The following RIMBP2 variants were observed in gnomAD, a reference collection of about 807,000 sequenced individuals.
RIMBP2 encodes the protein RIMS-binding protein 2.
RIMBP2 carries 48 observed loss-of-function variants against 118.6 expected under a neutral mutation model. The ratio of observed to expected loss-of-function variants is 0.40; its 90% CI spans 0.32 to 0.51. The LOEUF (loss-of-function observed/expected upper bound fraction) is 0.51. RIMBP2 is among the 20% of genes least tolerant of loss of function. RIMBP2 has a pLI of 0.41. For missense variants in RIMBP2, 1,551 were observed against 1,768.3 expected (o/e 0.88, Z 2.20); for synonymous variants, 762 against 742.9 (o/e 1.03, Z -0.42).
chr12:130,610,926 T>A (rs977219958), intron 2 of RIMBP2, among the ~76,000 whole-genome samples: 1 of 152,126 alleles, frequency 6.6e-6, no homozygotes, highest in Non-Finnish European at 1.5e-5. Flanking sequence ...GAAACTCACA[T>A]CCATTGGAGG....
chr12:130,595,807 T>C (rs1051562441), intron 2 of RIMBP2, among the ~76,000 whole-genome samples: 1 of 152,164 alleles, frequency 6.6e-6, no homozygotes, highest in Non-Finnish European at 1.5e-5. Flanking sequence ...GAGTGCAGCA[T>C]GATGCCTTCA....
At chr12:130,539,164 T>C (rs1354892447) in intron 2 of RIMBP2, among the ~76,000 whole-genome samples, 1 of 152,224 alleles carries the variant, frequency 6.6e-6, no homozygotes, top group African/African-American at 2.4e-5. Flanking sequence ...GGGGAGAATA[T>C]ATACATACAT....
At chr12:130,499,082 G>A (rs1481320760) in intron 4 of RIMBP2, among the ~76,000 whole-genome samples, 6 of 152,294 alleles carry the variant, frequency 3.9e-5, no homozygotes, top group South Asian at 4.1e-4. Flanking sequence ...CAAAGGAAAC[G>A]CAGGCACATC....
At chr12:130,656,738 T>TA (rs544157267) in intron 1 of RIMBP2, among the ~76,000 whole-genome samples, 9 of 147,520 alleles carry the variant, frequency 6.1e-5, no homozygotes, top group Non-Finnish European at 9.0e-5. Flanking sequence ...ATTTATGTAC[T>TA]AAAAAAAAAA....
At chr12:130,527,149 A>G (rs1158302098) in intron 2 of RIMBP2, among the ~76,000 whole-genome samples, 2 of 152,176 alleles carry the variant, frequency 1.3e-5, no homozygotes, top group Non-Finnish European at 2.9e-5. Context: ...CTATCCTAAC[A>G]CTGACCAGAT....
chr12:130,689,718 G>A (rs1350193297), intron 1 of RIMBP2, among the ~76,000 whole-genome samples: 2 of 152,168 alleles, frequency 1.3e-5, no homozygotes, highest in East Asian at 1.9e-4. Context: ...AGAACCAGTG[G>A]AGCCAATCAC....
chr12:130,702,558 AG>A (rs1444866474), intron 1 of RIMBP2, among the ~76,000 whole-genome samples: 1 of 86,268 alleles, frequency 1.2e-5, no homozygotes, highest in Non-Finnish European at 2.3e-5. Context: ...GAAGGAAGGA[AG>A]GAAGGAAGGA....
chr12:130,601,004 C>T (rs1183795239), intron 2 of RIMBP2, among the ~76,000 whole-genome samples: 3 of 152,130 alleles, frequency 2.0e-5, no homozygotes, highest in African/African-American at 7.2e-5. Flanking sequence ...ATCTCCAAGC[C>T]CTAGCCGAGT....
intron 2 of RIMBP2, among the ~76,000 whole-genome samples, chr12:130,518,326 A>C (rs1159579988): frequency 1.3e-5 from 2 of 152,242 alleles, no homozygotes; most frequent in Non-Finnish European, 2.9e-5. Flanking sequence ...CTCAAAAATA[A>C]GATAAAGCAT....
At chr12:130,649,695 C>T (rs986587643) in intron 1 of RIMBP2, among the ~76,000 whole-genome samples, 4 of 152,162 alleles carry the variant, frequency 2.6e-5, no homozygotes, top group African/African-American at 9.7e-5. Context: ...GATTTTCCCA[C>T]TTTCAGCCCT....
intron 12 of RIMBP2, among the ~76,000 whole-genome samples, chr12:130,437,636 G>A (rs558506126): frequency 1.3e-5 from 2 of 152,352 alleles, no homozygotes; most frequent in East Asian, 3.9e-4. Context: ...CTGGAGGGAA[G>A]AGAGGGGCTC....
intron 1 of RIMBP2, among the ~76,000 whole-genome samples, chr12:130,648,905 C>T (rs976262031): frequency 6.9e-6 from 1 of 145,892 alleles, no homozygotes; most frequent in Non-Finnish European, 1.6e-5. Flanking sequence ...ATCTGCCCGC[C>T]TCGGCCTCCC....
intron 2 of RIMBP2, among the ~76,000 whole-genome samples, chr12:130,583,957 C>T (rs58446064): frequency 0.49 from 72,927 of 150,286 alleles, 19,777 homozygotes; most frequent in Admixed American, 0.61. Flanking sequence ...ATCATCGCAT[C>T]ACCATCACCA....
intron 1 of RIMBP2, among the ~76,000 whole-genome samples, chr12:130,649,717 C>G (rs1379669783): frequency 6.6e-6 from 1 of 152,162 alleles, no homozygotes; most frequent in South Asian, 2.1e-4. Flanking sequence ...GAGATCCTCT[C>G]AGCCCTGAGA....
At chr12:130,564,298 CTTATT>C (rs1481919669) in intron 2 of RIMBP2, among the ~76,000 whole-genome samples, 10 of 146,288 alleles carry the variant, frequency 6.8e-5, no homozygotes, top group East Asian at 2.1e-4. Flanking sequence ...CCCCTTCCTC[CTTATT>C]TTATTTCCCC....
chr12:130,415,488 G>A (rs1422118888), intron 17 of RIMBP2, among the ~76,000 whole-genome samples: 1 of 152,170 alleles, frequency 6.6e-6, no homozygotes, highest in East Asian at 1.9e-4. Context: ...CTTAAGAACT[G>A]GAGCAAGGCA....
intron 13 of RIMBP2, among the ~76,000 whole-genome samples, chr12:130,435,458 A>G (rs1340983099): frequency 6.6e-6 from 1 of 152,190 alleles, no homozygotes; most frequent in African/African-American, 2.4e-5. Flanking sequence ...TGTCTGAAAC[A>G]TAGGACTTGG....
chr12:130,675,141 G>A (rs1479773318), intron 1 of RIMBP2, among the ~76,000 whole-genome samples: 1 of 152,202 alleles, frequency 6.6e-6, no homozygotes, highest in African/African-American at 2.4e-5. Context: ...TGTCCCGAAG[G>A]ACCTGTTGGC....
At chr12:130,612,039 C>T (rs2060588393) in intron 2 of RIMBP2, among the ~76,000 whole-genome samples, 1 of 152,194 alleles carries the variant, frequency 6.6e-6, no homozygotes, top group Non-Finnish European at 1.5e-5. Context: ...CCCGCAGGGC[C>T]TGCAGGGATC....
Sources: gnomAD v4.1 joint callset for allele counts (sites outside exome capture counted in the v4.1 genomes callset) on GRCh38, gnomAD v4.1.1 for gene constraint, MANE v1.5 for transcripts, NCBI Gene and HGNC (gene_info 2026-07-23, HGNC 2026-07-21) for gene names.